The following SCAI variants were observed in gnomAD, a reference collection of about 807,000 sequenced individuals.
SCAI encodes the protein suppressor of cancer cell invasion, also known as protein SCAI.
SCAI carries 24 observed loss-of-function variants against 92.2 expected under a neutral mutation model. The ratio of observed to expected loss-of-function variants is 0.26; its 90% CI spans 0.19 to 0.37. The LOEUF is 0.37. SCAI is among the 10% of genes least tolerant of loss of function. SCAI has a pLI of 1.00. For synonymous variants in SCAI, 261 were observed against 258.6 expected, an observed-to-expected ratio of 1.01 and a Z score of -0.09; for missense variants, 450 against 736.2, an observed-to-expected ratio of 0.61 and a Z score of 4.50.
intron 2 of SCAI, among the ~76,000 whole-genome samples, chr9:125,058,514 C>CA (rs1833714700): frequency 2.0e-5 from 3 of 151,634 alleles, no homozygotes; most frequent in Non-Finnish European, 2.9e-5. Context: ...GACTGCGTTT[C>CA]AAAAAAAATA....
chr9:125,021,940 C>A (rs1832878273), intron 6 of SCAI, among the ~76,000 whole-genome samples: 1 of 151,806 alleles, frequency 6.6e-6, no homozygotes. Context: ...GAAATCGTAC[C>A]ATGGTTAGAC....
chr9:124,996,148 C>T (rs1832234742), intron 13 of SCAI, among the ~76,000 whole-genome samples: 1 of 146,570 alleles, frequency 6.8e-6, no homozygotes, highest in African/African-American at 2.5e-5. Flanking sequence ...ATAGTGATTA[C>T]CACGATCAAA....
At chr9:125,133,142 C>G (rs1835438255) in intron 2 of SCAI, among the ~76,000 whole-genome samples, 1 of 152,158 alleles carries the variant, frequency 6.6e-6, no homozygotes, top group South Asian at 2.1e-4. Context: ...GTAATCCTAG[C>G]ACTTTGGGAG....
At chr9:125,033,661 T>A (rs1833129822) in intron 3 of SCAI, among the ~76,000 whole-genome samples, 1 of 152,196 alleles carries the variant, frequency 6.6e-6, no homozygotes, top group East Asian at 1.9e-4. Flanking sequence ...ACTGTAGTGA[T>A]GGGTGCACGT....
rs1431614250 is a variant in SCAI, at chr9:124,946,518, C to T, written c.*6289G>A. On this transcript the variant is annotated 3_prime_UTR_variant, in exon 18 of 18. Transcript: ENST00000336505. The surrounding 1 kb of genome is among the most constrained non-coding windows in gnomAD (Gnocchi z 4.0). ...GTTATATTTTATCATGCAAAAATAA[C>T]CTCTACTTAATTTCTGCAGTGAATG... The T allele has an allele frequency of 6.6e-6, 1 of 152,150 alleles. No individual in the cohort carries two copies. Among genetic ancestry groups the T allele is most frequent in the African/African-American group, 2.4e-5 (1 of 41,432 alleles). The allele number at this position is 152,150 out of a possible 1,614,324, so 9.4% of individuals were successfully genotyped here. A position where few individuals can be genotyped will look rare whatever the true frequency, so the allele number is the denominator to read the frequency against.
intron 2 of SCAI, among the ~76,000 whole-genome samples, chr9:125,082,765 G>A (rs1229991766): frequency 1.3e-5 from 2 of 152,342 alleles, no homozygotes; most frequent in African/African-American, 4.8e-5. Flanking sequence ...GGGGCTTGCA[G>A]CCCCTTTGTT....
intron 3 of SCAI, among the ~76,000 whole-genome samples, chr9:125,052,043 T>A (rs988124693): frequency 2.0e-5 from 3 of 151,958 alleles, no homozygotes; most frequent in African/African-American, 4.8e-5. Flanking sequence ...CAAGGCTCCA[T>A]CTCAAAAAAA....
intron 2 of SCAI, among the ~76,000 whole-genome samples, chr9:125,116,530 T>A (rs999201125): frequency 1.3e-5 from 2 of 152,160 alleles, no homozygotes; most frequent in Non-Finnish European, 2.9e-5. Flanking sequence ...TCACTGAATT[T>A]ATTTTAAGAT....
At chr9:125,027,013 C>G in intron 5 of SCAI, 103 bp from the exon 6 acceptor site, 12 of 434,158 alleles carry the variant, frequency 2.8e-5, no homozygotes, top group African/African-American at 4.1e-5. Flanking sequence ...GCACGGGGTG[C>G]GGGGGTGGGA....
chr9:125,004,775 ATATATTTTTTTTTTTTTTT>A (rs1344109469), intron 9 of SCAI, among the ~76,000 whole-genome samples: 14 of 10,842 alleles, frequency 1.3e-3, no homozygotes, highest in African/African-American at 4.8e-3. Context: ...ATATATATAT[ATATATTTTTTTTTTTTTTT>A]TTTTTTTTTT....
chr9:124,990,972 T>A (rs368473012), intron 14 of SCAI, among the ~76,000 whole-genome samples: 1 of 152,154 alleles, frequency 6.6e-6, no homozygotes, highest in East Asian at 1.9e-4. Context: ...CAGCTACAAG[T>A]GGTTCGAAAA....
chr9:124,954,297 T>C (rs564587540), intron 17 of SCAI, among the ~76,000 whole-genome samples: 13 of 152,358 alleles, frequency 8.5e-5, no homozygotes, highest in South Asian at 2.1e-4. Context: ...AATAGCAGAA[T>C]ACACTGAATT....
At position 125,136,851 on chromosome 9, in the gene SCAI, C is replaced by A. The variant is rs142182462; in HGVS notation, c.98+5782G>T. Among the ~76,000 whole-genome samples, 23 of 151,492 alleles carry A rather than the reference C, an allele frequency of 1.5e-4. No individual in the cohort carries two copies. The East Asian group carries it at 3.9e-3, about 26-fold the overall frequency. ...CGATCTCGGCTCACTGCAACCTTCT[C>A]CCAGGTTCAAGTGATTCTCCTGCCT... On this transcript the variant is annotated intron_variant, in intron 2 of 17. Transcript: ENST00000336505.
chr9:125,012,008 C>T (rs1420140535), intron 9 of SCAI, among the ~76,000 whole-genome samples: 1 of 152,174 alleles, frequency 6.6e-6, no homozygotes, highest in Non-Finnish European at 1.5e-5. Flanking sequence ...ACCAGGCCTG[C>T]CCTACAAGAG....
intron 2 of SCAI, among the ~76,000 whole-genome samples, chr9:125,123,796 CAAACA>C (rs1564423267): frequency 2.0e-5 from 3 of 152,232 alleles, no homozygotes; most frequent in Non-Finnish European, 2.9e-5. Context: ...AACAAACAAA[CAAACA>C]AAAGTCCTAA....
intron 2 of SCAI, among the ~76,000 whole-genome samples, chr9:125,083,826 C>T (rs1435478933): frequency 6.6e-6 from 1 of 151,664 alleles, no homozygotes; most frequent in Non-Finnish European, 1.5e-5. Flanking sequence ...CTGTGAAAGA[C>T]AAAAATAAAA....
chr9:125,117,484 G>A (rs772820279), intron 2 of SCAI, among the ~76,000 whole-genome samples: 15 of 151,856 alleles, frequency 9.9e-5, no homozygotes, highest in Non-Finnish European at 1.8e-4. Context: ...TGGCCAACAT[G>A]GTGAAACCCT....
intron 3 of SCAI, among the ~76,000 whole-genome samples, chr9:125,041,274 C>T (rs546966609): frequency 3.7e-4 from 56 of 152,164 alleles, no homozygotes; most frequent in Non-Finnish European, 5.7e-4. Flanking sequence ...TATGTCTCCA[C>T]GGATCTCTAA....
intron 2 of SCAI, among the ~76,000 whole-genome samples, chr9:125,063,103 C>G (rs187585589): frequency 0.04 from 3,298 of 82,102 alleles, 48 homozygotes; most frequent in Middle Eastern, 0.1. Context: ...TAACCCCCCA[C>G]CCCCCCCAGA....
Sources: gnomAD v4.1 joint callset for allele counts (sites outside exome capture counted in the v4.1 genomes callset) on GRCh38, gnomAD v4.1.1 for gene constraint, Gnocchi (gnomAD v3.1) non-coding constraint, MANE v1.5 for transcripts, NCBI Gene and HGNC (gene_info 2026-07-23, HGNC 2026-07-21) for gene names.